The following E2F5 variants were observed in gnomAD, a reference collection of about 807,000 sequenced individuals.
E2F5 encodes the protein E2F transcription factor 5, also known as transcription factor E2F5.
E2F5 carries 23 observed loss-of-function variants against 39.1 expected under a neutral mutation model. The observed-to-expected ratio is 0.59, with a 90% CI of 0.42 to 0.83. E2F5 has a LOEUF of 0.83. Among genes scored for constraint, E2F5 ranks in the 40% least tolerant of loss-of-function variants. E2F5 has a pLI of 0.00. For synonymous variants in E2F5, 145 were observed against 157.8 expected, an observed-to-expected ratio of 0.92 and a Z score of 0.61; for missense variants, 365 against 406.7, an observed-to-expected ratio of 0.90 and a Z score of 0.88.
chr8:85,177,688 C>A, intron 1 of E2F5, 34 bp downstream of exon 1: 6 of 1,246,272 alleles, frequency 4.8e-6, no homozygotes, highest in East Asian at 3.1e-5. Flanking sequence ...GGGCGGACTT[C>A]GGAACCCGTG....
intron 1 of E2F5, among the ~76,000 whole-genome samples, chr8:85,193,181 T>A (rs1812502743): frequency 6.6e-6 from 1 of 152,150 alleles, no homozygotes; most frequent in African/African-American, 2.4e-5. Flanking sequence ...TATATATACT[T>A]TACATATATT....
At chr8:85,200,578 A>G (rs913618938) in intron 1 of E2F5, among the ~76,000 whole-genome samples, 1 of 152,180 alleles carries the variant, frequency 6.6e-6, no homozygotes. Context: ...ATGGCTGTGA[A>G]TGCTTTTCTG....
intron 1 of E2F5, among the ~76,000 whole-genome samples, chr8:85,192,875 A>G (rs1812494304): frequency 1.3e-5 from 2 of 152,234 alleles, no homozygotes; most frequent in African/African-American, 2.4e-5. Context: ...CCCTTGGGCA[A>G]GTTACTCAGC....
Position 85,200,036 on chromosome 8 carries a change from C to T in E2F5, c.235-2111C>T, listed in dbSNP as rs4150925. On this transcript the variant is annotated intron_variant, in intron 1 of 7. Transcript: ENST00000416274. The stretch of plus-strand genomic sequence containing the variant: ...TCGAGGTGGGTGGATCATCTGGGGT[C>T]AGGAGCTCAAGACCAGCCTGGCCAA... Among the ~76,000 whole-genome samples, 425 of 152,146 alleles carry T rather than the reference C, an allele frequency of 2.8e-3. 1 individual carries two copies. Among genetic ancestry groups the T allele is most frequent in the Admixed American group, 6.0e-3 (91 of 15,280 alleles).
At chr8:85,207,566 A>AC in intron 5 of E2F5, 77 bp downstream of exon 5, 1 of 1,218,918 alleles carries the variant, frequency 8.2e-7, no homozygotes, top group Non-Finnish European at 1.2e-6. Flanking sequence ...TCTTTAGCTG[A>AC]ATGTGAGCTA....
chr8:85,207,248 AAAAT>A (rs1283458230), intron 4 of E2F5, among the ~76,000 whole-genome samples, 173 bp from the exon 5 acceptor site: 1 of 152,200 alleles, frequency 6.6e-6, no homozygotes, highest in Non-Finnish European at 1.5e-5. Context: ...TTTAATCCTC[AAAAT>A]AAATCTATGC....
At chr8:85,194,680 G>A (rs1056511829) in intron 1 of E2F5, among the ~76,000 whole-genome samples, 24 of 150,592 alleles carry the variant, frequency 1.6e-4, no homozygotes, top group African/African-American at 5.6e-4. Flanking sequence ...GATTACAAGC[G>A]CCTGCCACCG....
In E2F5 at chr8:85,214,290, G is replaced by A. The variant is rs1450020777; in HGVS notation, c.*428G>A. ...CCTTCTATCCAAACAGACGTTCACT[G>A]CCACTTGTAAAGTGAAGGATGTAAA... On this transcript the variant is annotated 3_prime_UTR_variant, in exon 8 of 8. Transcript: ENST00000416274. 2 of 576,944 alleles carry A rather than the reference G, an allele frequency of 3.5e-6. No homozygotes were observed. Among genetic ancestry groups the A allele is most frequent in the Non-Finnish European group, 6.3e-6 (2 of 316,154 alleles). 35.7% of individuals were successfully genotyped at this position (576,944 alleles called of 1,614,324 possible).
chr8:85,187,991 G>A (rs1223606979), intron 1 of E2F5, among the ~76,000 whole-genome samples: 1 of 152,066 alleles, frequency 6.6e-6, no homozygotes, highest in Non-Finnish European at 1.5e-5. Flanking sequence ...ATCTTACAAT[G>A]CGGTATTTTA....
At chr8:85,209,085 T>C (rs1411489969) in intron 5 of E2F5, 57 bp from the exon 6 acceptor site, 1 of 1,559,238 alleles carries the variant, frequency 6.4e-7, no homozygotes, top group Non-Finnish European at 8.8e-7. Flanking sequence ...TGTACTGTCT[T>C]AAGTTAGCTA....
rs1378364361 is a variant in E2F5, at chr8:85,180,944, C to G, written c.234+3290C>G. Among the ~76,000 whole-genome samples, 2 of 151,840 alleles carry G rather than the reference C, an allele frequency of 1.3e-5. 1 individual carries two copies. Among genetic ancestry groups the G allele is most frequent in the Non-Finnish European group, 2.9e-5 (2 of 67,958 alleles). ...CCAGGCTGGAGTGCAGTGGTACAAT[C>G]TCAGCTCATTGTAACCTCCACTTCC... On this transcript the variant is annotated intron_variant, in intron 1 of 7. Coordinates refer to ENST00000416274, the MANE Select transcript of E2F5 (RefSeq NM_001951.4).
chr8:85,190,054 C>T (rs541018398), intron 1 of E2F5, among the ~76,000 whole-genome samples: 8 of 152,290 alleles, frequency 5.3e-5, no homozygotes, highest in Admixed American at 2.6e-4. Context: ...CTTAGAACAA[C>T]GTTCAGACAC....
intron 1 of E2F5, among the ~76,000 whole-genome samples, chr8:85,196,151 C>A (rs1032419706): frequency 6.6e-6 from 1 of 152,062 alleles, no homozygotes; most frequent in African/African-American, 2.4e-5. Flanking sequence ...TTGAAACATG[C>A]GGCTCCTGGA....
chr8:85,194,072 G>A (rs190859411), intron 1 of E2F5, among the ~76,000 whole-genome samples: 2 of 151,838 alleles, frequency 1.3e-5, no homozygotes, highest in Admixed American at 6.6e-5. Flanking sequence ...TCTTTTGTCC[G>A]TGTTTTATTT....
At chr8:85,187,293 TGG>T (rs1248593258) in intron 1 of E2F5, among the ~76,000 whole-genome samples, 1 of 152,164 alleles carries the variant, frequency 6.6e-6, no homozygotes, top group Non-Finnish European at 1.5e-5. Context: ...TACTGTTGGA[TGG>T]ATGTTAGGTT....
At chr8:85,177,848 A>T in intron 1 of E2F5, 194 bp downstream of exon 1, 1 of 1,007,808 alleles carries the variant, frequency 9.9e-7, no homozygotes, top group Non-Finnish European at 1.2e-6. Flanking sequence ...AGGGACCAGG[A>T]TGGCACCGAG....
At chr8:85,184,790 G>T (rs964255095) in intron 1 of E2F5, among the ~76,000 whole-genome samples, 2 of 152,130 alleles carry the variant, frequency 1.3e-5, no homozygotes, top group African/African-American at 2.4e-5. Context: ...AAATACCTAG[G>T]AATCCAACTT....
At chr8:85,207,553 T>C (rs1587499566) in intron 5 of E2F5, 64 bp downstream of exon 5, 3 of 1,379,050 alleles carry the variant, frequency 2.2e-6, no homozygotes. Flanking sequence ...AAGAAGGATA[T>C]TTTCTTTAGC....
chr8:85,189,687 A>T (rs891462141), intron 1 of E2F5, among the ~76,000 whole-genome samples: 1 of 152,168 alleles, frequency 6.6e-6, no homozygotes, highest in African/African-American at 2.4e-5. Flanking sequence ...CAAATTGTAA[A>T]CATGATTTAT....
Sources: gnomAD v4.1 joint callset for allele counts (sites outside exome capture counted in the v4.1 genomes callset) on GRCh38, gnomAD v4.1.1 for gene constraint, MANE v1.5 for transcripts, NCBI Gene and HGNC (gene_info 2026-07-23, HGNC 2026-07-21) for gene names.